The following MGAT4A variants were observed in gnomAD, a reference collection of about 807,000 sequenced individuals.
MGAT4A encodes the protein alpha-1,3-mannosyl-glycoprotein 4-beta-N-acetylglucosaminyltransferase A.
MGAT4A carries 33 observed loss-of-function variants against 74.1 expected under a neutral mutation model. That is an observed-to-expected ratio of 0.45 (90% CI 0.34 to 0.60). The LOEUF is 0.60. Among genes scored for constraint, MGAT4A ranks in the 20% least tolerant of loss-of-function variants. The pLI, the probability that MGAT4A is intolerant of heterozygous loss-of-function variation, is 0.02. For synonymous variants in MGAT4A, 198 were observed against 210.4 expected (o/e 0.94, Z 0.51); for missense variants, 479 against 628.3 (o/e 0.76, Z 2.54).
Position 98,624,775 on chromosome 2 carries a change from T to G in MGAT4A, c.*791A>C. ...TGCATCACACTTACACATTGAAAAT[T>G]TATCAGACTGACTTTCTGTGGCTAT... On this transcript the variant is annotated 3_prime_UTR_variant, in exon 16 of 16. Transcript: ENST00000393487. 1 of 984,770 alleles carries G rather than the reference T, an allele frequency of 1.0e-6. No homozygotes were observed. Among genetic ancestry groups the G allele is most frequent in the Non-Finnish European group, 1.2e-6 (1 of 828,922 alleles). The allele number at this position is 984,770 out of a possible 1,614,324, so 61.0% of individuals were successfully genotyped here.
chr2:98,682,556 CA>C (rs1444292995), intron 2 of MGAT4A, among the ~76,000 whole-genome samples: 2 of 151,790 alleles, frequency 1.3e-5, no homozygotes, highest in African/African-American at 4.8e-5. Flanking sequence ...TATATCATCT[CA>C]AAATACCTCC....
Position 98,621,007 on chromosome 2 carries a change from C to CT in MGAT4A, c.*4558dup, listed in dbSNP as rs1410984912. 1.3e-5 allele frequency: 2 copies of CT among 154,320 alleles called. No homozygotes were observed. Among genetic ancestry groups the CT allele is most frequent in the African/African-American group, 4.8e-5 (2 of 41,524 alleles). The allele number at this position is 154,320 out of a possible 1,614,324, so 9.6% of individuals were successfully genotyped here. ...CAGGTACATGACTTGCTACTAAAGA[C>CT]TTTATTCATGCATTTACCAAGAAAT... is the stretch of plus-strand genomic sequence containing the variant. On this transcript the variant is annotated 3_prime_UTR_variant, in exon 16 of 16. Coordinates refer to ENST00000393487, the MANE Select transcript of MGAT4A (RefSeq NM_012214.3).
intron 2 of MGAT4A, among the ~76,000 whole-genome samples, chr2:98,699,908 G>A (rs934819434): frequency 6.6e-6 from 1 of 152,116 alleles, no homozygotes; most frequent in Non-Finnish European, 1.5e-5. Flanking sequence ...AGACAAAATA[G>A]GGTAGAGCAC....
At chr2:98,687,253 A>G (rs1304643723) in intron 2 of MGAT4A, among the ~76,000 whole-genome samples, 1 of 152,018 alleles carries the variant, frequency 6.6e-6, no homozygotes, top group African/African-American at 2.4e-5. Context: ...GTAGTTCTAC[A>G]TTAGAACTAC....
chr2:98,705,915 G>A (rs1702420727), intron 2 of MGAT4A, among the ~76,000 whole-genome samples: 1 of 141,022 alleles, frequency 7.1e-6, no homozygotes, highest in Non-Finnish European at 1.5e-5. Context: ...GCAGTCCGCA[G>A]TCCGACCTGG....
chr2:98,628,711 G>C (rs1045997515), intron 14 of MGAT4A, among the ~76,000 whole-genome samples: 2 of 152,210 alleles, frequency 1.3e-5, no homozygotes, highest in Non-Finnish European at 2.9e-5. Flanking sequence ...ACATTCTACA[G>C]TGTTAAAAGC....
intron 2 of MGAT4A, among the ~76,000 whole-genome samples, chr2:98,705,547 T>C (rs1460537249): frequency 2.0e-5 from 3 of 152,220 alleles, no homozygotes; most frequent in Non-Finnish European, 4.4e-5. Flanking sequence ...CAGTAAATCA[T>C]ATGATCACCC....
At chr2:98,708,995 G>A (rs920754394) in intron 2 of MGAT4A, among the ~76,000 whole-genome samples, 9 of 152,204 alleles carry the variant, frequency 5.9e-5, no homozygotes, top group African/African-American at 1.4e-4. Flanking sequence ...GGCATTCCCT[G>A]AGAGCCGATT....
intron 4 of MGAT4A, among the ~76,000 whole-genome samples, chr2:98,671,943 CAA>C (rs59955000): frequency 7.6e-3 from 217 of 28,628 alleles, no homozygotes; most frequent in African/African-American, 0.026. Context: ...GTGGAAAAGG[CAA>C]AAAAAAAAAA....
chr2:98,714,502 G>T (rs72825782), intron 2 of MGAT4A, among the ~76,000 whole-genome samples: 1 of 152,130 alleles, frequency 6.6e-6, no homozygotes, highest in Non-Finnish European at 1.5e-5. Context: ...TTCAAGAAAC[G>T]CAGGTGGACG....
intron 2 of MGAT4A, among the ~76,000 whole-genome samples, chr2:98,679,274 T>C (rs1054516882): frequency 2.0e-5 from 3 of 151,658 alleles, no homozygotes; most frequent in African/African-American, 7.3e-5. Context: ...GGAGCGGTGG[T>C]GGGCGCCTGT....
At chr2:98,728,321 T>C (rs1035981882) in intron 1 of MGAT4A, among the ~76,000 whole-genome samples, 5 of 152,246 alleles carry the variant, frequency 3.3e-5, no homozygotes, top group Non-Finnish European at 7.3e-5. Flanking sequence ...CCTCTTTTAC[T>C]ACCTGAACAC....
chr2:98,725,733 C>T (rs1221684363), intron 2 of MGAT4A, among the ~76,000 whole-genome samples: 1 of 152,034 alleles, frequency 6.6e-6, no homozygotes, highest in African/African-American at 2.4e-5. Flanking sequence ...AGAATTTCTA[C>T]TTATCCCTTC....
chr2:98,656,259 C>T (rs1281892652), intron 7 of MGAT4A, 93 bp downstream of exon 7: 14 of 931,380 alleles, frequency 1.5e-5, no homozygotes, highest in Admixed American at 2.3e-5. Context: ...CCAAATTCAA[C>T]TCTAAAATGT....
intron 14 of MGAT4A, among the ~76,000 whole-genome samples, chr2:98,632,570 C>T (rs1013105441): frequency 1.3e-5 from 2 of 152,338 alleles, no homozygotes; most frequent in African/African-American, 4.8e-5. Flanking sequence ...AACTTCCCCA[C>T]ATTCTGGTTC....
chr2:98,675,450 T>G (rs1487178009), intron 3 of MGAT4A, among the ~76,000 whole-genome samples: 1 of 152,178 alleles, frequency 6.6e-6, no homozygotes, highest in Non-Finnish European at 1.5e-5. Flanking sequence ...ACCTCTATAA[T>G]GTATTAGAAC....
At chr2:98,667,382 A>C (rs901178870) in intron 4 of MGAT4A, among the ~76,000 whole-genome samples, 9 of 152,208 alleles carry the variant, frequency 5.9e-5, no homozygotes, top group African/African-American at 1.9e-4. Context: ...AGGGCTCAGA[A>C]GGCAGGAAAA....
intron 5 of MGAT4A, among the ~76,000 whole-genome samples, chr2:98,659,886 C>T (rs937286002): frequency 7.9e-5 from 12 of 151,992 alleles, no homozygotes; most frequent in Non-Finnish European, 1.2e-4. Context: ...TATAAAAATG[C>T]TCAATTGTTA....
intron 2 of MGAT4A, among the ~76,000 whole-genome samples, chr2:98,715,215 G>A (rs1702575766): frequency 6.6e-6 from 1 of 151,646 alleles, no homozygotes; most frequent in African/African-American, 2.4e-5. Context: ...CTACTCAGGT[G>A]GTGGAGGCAC....
Sources: gnomAD v4.1 joint callset for allele counts (sites outside exome capture counted in the v4.1 genomes callset) on GRCh38, gnomAD v4.1.1 for gene constraint, MANE v1.5 for transcripts, NCBI Gene and HGNC (gene_info 2026-07-23, HGNC 2026-07-21) for gene names.